NMNAT2: variants seen among roughly 807,000 people sequenced by gnomAD.
The protein encoded by NMNAT2 is nicotinamide nucleotide adenylyltransferase 2.
In NMNAT2, 11 loss-of-function variants were observed where a neutral mutation model predicts 41.6. The observed-to-expected ratio is 0.26, with a 90% CI of 0.17 to 0.44. The LOEUF (loss-of-function observed/expected upper bound fraction) is 0.44, where lower values mean the gene tolerates loss of function less well. Ranked by LOEUF, NMNAT2 falls within the 20% of genes least tolerant of loss-of-function variation. The probability of loss-of-function intolerance (pLI) is 1.00; values close to 1 mark genes in which losing one functional copy is unlikely to be tolerated. For missense variants in NMNAT2, 288 were observed against 407.7 expected (o/e 0.71, Z 2.53); for synonymous variants, 148 against 151.2 (o/e 0.98, Z 0.16).
intron 1 of NMNAT2, among the ~76,000 whole-genome samples, chr1:183,319,195 A>G (rs1285010273): frequency 1.3e-5 from 2 of 152,158 alleles, no homozygotes; most frequent in East Asian, 1.9e-4. Flanking sequence ...CTCACCCCAA[A>G]AAATCTGCTC....
At chr1:183,391,900 C>T (rs1212694156) in intron 1 of NMNAT2, among the ~76,000 whole-genome samples, 3 of 152,132 alleles carry the variant, frequency 2.0e-5, no homozygotes, top group African/African-American at 2.4e-5. Flanking sequence ...TCCCTGGCTG[C>T]TCTTTCACTG....
chr1:183,332,002 C>T (rs1662597148), intron 1 of NMNAT2, among the ~76,000 whole-genome samples: 1 of 151,578 alleles, frequency 6.6e-6, no homozygotes, highest in Non-Finnish European at 1.5e-5. Flanking sequence ...AGGCTGGCCT[C>T]GAACTCCTGA....
intron 1 of NMNAT2, among the ~76,000 whole-genome samples, chr1:183,371,003 T>A (rs1663526952): frequency 6.6e-6 from 1 of 152,112 alleles, no homozygotes; most frequent in Non-Finnish European, 1.5e-5. Context: ...CGCCGCATGT[T>A]TTTACTTAGG....
chr1:183,290,525 T>C (rs1335463248), intron 3 of NMNAT2: 2 of 275,782 alleles, frequency 7.3e-6, no homozygotes, highest in Admixed American at 5.1e-5. Flanking sequence ...ACCTTCCCCA[T>C]CTGTAAAATG....
At chr1:183,391,200 C>T (rs1290671605) in intron 1 of NMNAT2, among the ~76,000 whole-genome samples, 3 of 152,156 alleles carry the variant, frequency 2.0e-5, no homozygotes, top group Non-Finnish European at 4.4e-5. Flanking sequence ...TCCTCCCATC[C>T]TCATCCTCAC....
At chr1:183,321,816 G>C (rs529838521) in intron 1 of NMNAT2, among the ~76,000 whole-genome samples, 1 of 151,944 alleles carries the variant, frequency 6.6e-6, no homozygotes, top group Non-Finnish European at 1.5e-5. Flanking sequence ...TTTTTGTTTT[G>C]TTTTGTTTTG....
chr1:183,260,819 CAA>C (rs35660466), intron 10 of NMNAT2, among the ~76,000 whole-genome samples, 181 bp downstream of exon 10: 1,006 of 74,934 alleles, frequency 0.013, 5 homozygotes, highest in African/African-American at 0.037. Flanking sequence ...GACGCTGTCT[CAA>C]AAAAAAAAAA....
chr1:183,373,488 C>T (rs1663597365), intron 1 of NMNAT2, among the ~76,000 whole-genome samples: 1 of 152,142 alleles, frequency 6.6e-6, no homozygotes, highest in African/African-American at 2.4e-5. Context: ...TCTGTAATAG[C>T]CACTGGGGGA....
rs923203781 is a variant in NMNAT2, at chr1:183,250,184, T to C, written c.*2457A>G. Reference sequence around the variant, plus strand: ...TTCCTTTGTTTCATTTCCTGGCTTATGACTGTTCTGCCTGGACAAGGCTGT... The same window carrying C: ...TTCCTTTGTTTCATTTCCTGGCTTACGACTGTTCTGCCTGGACAAGGCTGT... On this transcript the variant is annotated 3_prime_UTR_variant, in exon 11 of 11. Transcript: ENST00000287713. 3 of 152,254 alleles carry C rather than the reference T, an allele frequency of 2.0e-5. No homozygotes were observed. Among genetic ancestry groups the C allele is most frequent in the African/African-American group, 2.4e-5 (1 of 41,448 alleles). 9.4% of individuals were successfully genotyped at this position (152,254 alleles called of 1,614,324 possible).
intron 1 of NMNAT2, among the ~76,000 whole-genome samples, chr1:183,357,765 CT>C (rs1305290194): frequency 1.3e-5 from 2 of 152,120 alleles, no homozygotes; most frequent in Non-Finnish European, 2.9e-5. Context: ...TGATGTTGAA[CT>C]TTTTTTCATA....
chr1:183,402,663 C>T (rs949388471), intron 1 of NMNAT2, among the ~76,000 whole-genome samples: 1 of 152,130 alleles, frequency 6.6e-6, no homozygotes, highest in African/African-American at 2.4e-5. Context: ...GCAGGGGATG[C>T]TCAGAGTTAC....
At chr1:183,402,413 T>C (rs576042624) in intron 1 of NMNAT2, among the ~76,000 whole-genome samples, 1 of 152,258 alleles carries the variant, frequency 6.6e-6, no homozygotes, top group African/African-American at 2.4e-5. Flanking sequence ...AAGACTTACA[T>C]AGAAAGATGT....
intron 1 of NMNAT2, among the ~76,000 whole-genome samples, chr1:183,357,183 C>T (rs996798518): frequency 1.3e-4 from 19 of 145,516 alleles, no homozygotes; most frequent in South Asian, 4.4e-4. Flanking sequence ...GCCAGGCCAA[C>T]GGCTTTAGTG....
chr1:183,332,353 C>A (rs1662603000), intron 1 of NMNAT2, among the ~76,000 whole-genome samples: 1 of 152,150 alleles, frequency 6.6e-6, no homozygotes, highest in African/African-American at 2.4e-5. Flanking sequence ...TCTTACCTAA[C>A]TGTCTTTTGG....
intron 1 of NMNAT2, among the ~76,000 whole-genome samples, chr1:183,415,026 G>C (rs920547947): frequency 4.6e-5 from 7 of 152,020 alleles, no homozygotes; most frequent in African/African-American, 1.7e-4. Flanking sequence ...ACCTAGAATA[G>C]AGTGCAGTGT....
chr1:183,395,319 G>A (rs961103677), intron 1 of NMNAT2, among the ~76,000 whole-genome samples: 1 of 151,698 alleles, frequency 6.6e-6, no homozygotes, highest in Non-Finnish European at 1.5e-5. Context: ...ATCACTTGAT[G>A]TGCAGCCACA....
intron 1 of NMNAT2, among the ~76,000 whole-genome samples, chr1:183,300,184 A>G (rs1002982798): frequency 1.3e-5 from 2 of 151,122 alleles, no homozygotes; most frequent in South Asian, 4.1e-4. Context: ...TGGGCGTATC[A>G]TGAGGTCAGG....
intron 1 of NMNAT2, among the ~76,000 whole-genome samples, chr1:183,299,231 G>A (rs937465941): frequency 6.6e-6 from 1 of 152,062 alleles, no homozygotes; most frequent in African/African-American, 2.4e-5. Flanking sequence ...AATTAGCTGG[G>A]CATGGTGGGT....
At chr1:183,330,983 T>TCTTTC (rs766792435) in intron 1 of NMNAT2, among the ~76,000 whole-genome samples, 5 of 152,186 alleles carry the variant, frequency 3.3e-5, no homozygotes, top group Admixed American at 6.5e-5. Context: ...CTGTTTCTTT[T>TCTTTC]CTTTCCTTTC....
Sources: allele counts gnomAD v4.1 joint callset (sites outside exome capture counted in the v4.1 genomes callset), GRCh38; gene constraint gnomAD v4.1.1; transcripts MANE v1.5; gene names NCBI Gene and HGNC (gene_info 2026-07-23, HGNC 2026-07-21).